RGS22: variants seen among roughly 807,000 people sequenced by gnomAD.
The protein encoded by RGS22 is regulator of G protein signaling 22, also known as regulator of G-protein signaling 22.
A neutral mutation model predicts 172.9 loss-of-function variants in RGS22; 148 were observed. The observed-to-expected ratio is 0.86, with a 90% CI of 0.75 to 0.98. The LOEUF is 0.98. RGS22 is among the 50% of genes least tolerant of loss of function. The pLI, the probability that RGS22 is intolerant of heterozygous loss-of-function variation, is 0.00. For synonymous variants in RGS22, 458 were observed against 480.2 expected (o/e 0.95, Z 0.60); for missense variants, 1,347 against 1,440.8 (o/e 0.93, Z 1.05).
At chr8:100,039,063 C>A in intron 13 of RGS22, 31 bp from the exon 14 acceptor site, 1 of 1,254,272 alleles carries the variant, frequency 8.0e-7, no homozygotes, top group South Asian at 1.3e-5. Context: ...TAAATTATTA[C>A]CACCCAATTA....
At chr8:100,078,843 T>C (rs1299688456) in intron 4 of RGS22, among the ~76,000 whole-genome samples, 1 of 152,166 alleles carries the variant, frequency 6.6e-6, no homozygotes, top group Non-Finnish European at 1.5e-5. Context: ...CCCAGACTGG[T>C]CTCTAACTGC....
intron 22 of RGS22, 70 bp downstream of exon 22, chr8:99,981,867 G>A (rs1563571640): frequency 3.5e-6 from 5 of 1,430,238 alleles, no homozygotes; most frequent in Non-Finnish European, 4.7e-6. Flanking sequence ...TGGCCCAAAA[G>A]GATATCTATC....
intron 2 of RGS22, among the ~76,000 whole-genome samples, chr8:100,098,841 TTTTA>T (rs1424260897): frequency 4.6e-5 from 2 of 43,448 alleles, no homozygotes; most frequent in Admixed American, 2.7e-4. Context: ...CCTTTTATTT[TTTTA>T]TTTATTTTAT....
At chr8:100,056,636 AAGT>A (rs1563679863) in intron 9 of RGS22, among the ~76,000 whole-genome samples, 1 of 152,158 alleles carries the variant, frequency 6.6e-6, no homozygotes, top group Non-Finnish European at 1.5e-5. Context: ...CAGAGGGTGC[AAGT>A]CCCTCTGAAG....
Position 100,047,964 on chromosome 8 carries a change from G to T in RGS22, c.1690-368C>A, listed in dbSNP as rs934068947. On this transcript the variant is annotated intron_variant, in intron 10 of 27. Transcript: ENST00000360863. ...TGTGGCGAGGGCTGTGTGTGTACTG[G>T]GGGGGGGTGCGGGTGTCAGCGGTCA... Among the ~76,000 whole-genome samples, 4 of 18,848 alleles carry T rather than the reference G, an allele frequency of 2.1e-4. 1 individual carries two copies. In the South Asian group the frequency reaches 4.9e-3, roughly 23 times the overall value. 12.4% of individuals were successfully genotyped at this position (18,848 alleles called of 152,430 possible). A position where few individuals can be genotyped will look rare whatever the true frequency, so the allele number is the denominator to read the frequency against.
intron 14 of RGS22, among the ~76,000 whole-genome samples, chr8:100,012,658 T>C (rs986148757): frequency 2.0e-5 from 3 of 151,944 alleles, no homozygotes; most frequent in Non-Finnish European, 4.4e-5. Flanking sequence ...GAAAGTAAAC[T>C]AAAATAATGT....
intron 6 of RGS22, among the ~76,000 whole-genome samples, chr8:100,068,127 G>A (rs557943031): frequency 2.0e-5 from 3 of 152,270 alleles, no homozygotes; most frequent in Admixed American, 1.3e-4. Flanking sequence ...GGTGGTTCAT[G>A]CCTATAATCC....
At chr8:100,057,355 T>C (rs1358407598) in intron 9 of RGS22, among the ~76,000 whole-genome samples, 4 of 152,144 alleles carry the variant, frequency 2.6e-5, no homozygotes, top group Non-Finnish European at 5.9e-5. Context: ...AGTTAAGACT[T>C]TGGGGACTGC....
intron 6 of RGS22, among the ~76,000 whole-genome samples, chr8:100,068,957 G>GA (rs35014399): frequency 0.67 from 99,908 of 148,290 alleles, 34,412 homozygotes; most frequent in African/African-American, 0.82. Flanking sequence ...AAAGAAAGAA[G>GA]AAAAAATACT....
chr8:100,068,966 C>T (rs1279800893), intron 6 of RGS22, among the ~76,000 whole-genome samples: 3 of 144,906 alleles, frequency 2.1e-5, no homozygotes, highest in African/African-American at 5.1e-5. Context: ...AGAAAAAATA[C>T]TTAAAATCAG....
chr8:99,983,812 T>C (rs1232939376), intron 21 of RGS22, among the ~76,000 whole-genome samples: 2 of 152,190 alleles, frequency 1.3e-5, no homozygotes, highest in Non-Finnish European at 2.9e-5. Context: ...AAGTACCCAG[T>C]ATATGCTGGG....
chr8:100,015,624 G>C (rs374649961), intron 14 of RGS22, among the ~76,000 whole-genome samples: 14 of 152,206 alleles, frequency 9.2e-5, no homozygotes, highest in East Asian at 5.8e-4. Flanking sequence ...ACCATTCATA[G>C]TATAATTTTT....
chr8:100,036,228 C>A (rs1819456721), intron 14 of RGS22, among the ~76,000 whole-genome samples: 1 of 151,852 alleles, frequency 6.6e-6, no homozygotes, highest in Non-Finnish European at 1.5e-5. Flanking sequence ...GTATATGGTT[C>A]CTTGGCAAGC....
At chr8:99,992,632 C>G (rs1411658513) in intron 20 of RGS22, among the ~76,000 whole-genome samples, 1 of 152,084 alleles carries the variant, frequency 6.6e-6, no homozygotes, top group Admixed American at 6.5e-5. Context: ...CCTTAGAGAC[C>G]TATGAAGAGA....
chr8:100,042,651 A>G (rs1230849685), intron 11 of RGS22: 2 of 152,226 alleles, frequency 1.3e-5, no homozygotes, highest in South Asian at 2.1e-4. Context: ...TTCTTGCTCC[A>G]TAAAACATGC....
intron 20 of RGS22, among the ~76,000 whole-genome samples, chr8:99,989,417 C>CT (rs1233019935): frequency 2.6e-5 from 4 of 152,154 alleles, no homozygotes; most frequent in Non-Finnish European, 5.9e-5. Context: ...AAAATTCTAT[C>CT]TTTTTGCTTT....
intron 9 of RGS22, among the ~76,000 whole-genome samples, chr8:100,054,852 C>T (rs1563677683): frequency 1.3e-5 from 2 of 152,136 alleles, no homozygotes; most frequent in Non-Finnish European, 1.5e-5. Flanking sequence ...ATAAATCATA[C>T]ATGGGATGGC....
chr8:100,054,036 C>T (rs2131715031), intron 9 of RGS22, among the ~76,000 whole-genome samples: 1 of 152,274 alleles, frequency 6.6e-6, no homozygotes, highest in Admixed American at 6.5e-5. Context: ...AATTTTACAA[C>T]AATTTATATA....
At chr8:100,016,091 A>C (rs2131415826) in intron 14 of RGS22, among the ~76,000 whole-genome samples, 1 of 152,302 alleles carries the variant, frequency 6.6e-6, no homozygotes, top group Non-Finnish European at 1.5e-5. Flanking sequence ...CTAAAACAAG[A>C]CTCCTAGAAA....
Sources: gnomAD v4.1 joint callset for allele counts (sites outside exome capture counted in the v4.1 genomes callset) on GRCh38, gnomAD v4.1.1 for gene constraint, MANE v1.5 for transcripts, NCBI Gene and HGNC (gene_info 2026-07-23, HGNC 2026-07-21) for gene names.